Variants in CXADR observed in about 807,000 individuals in gnomAD.
CXADR encodes coxsackievirus and adenovirus receptor.
CXADR carries 20 observed loss-of-function variants against 40.3 expected under a neutral mutation model. The ratio of observed to expected loss-of-function variants is 0.50; its 90% CI spans 0.35 to 0.72. The LOEUF is 0.72. Ranked by LOEUF, CXADR falls within the 30% of genes least tolerant of loss-of-function variation. The pLI, the probability that CXADR is intolerant of heterozygous loss-of-function variation, is 0.01. For missense variants in CXADR, 332 were observed against 449.1 expected (o/e 0.74, Z 2.36); for synonymous variants, 150 against 161.3 (o/e 0.93, Z 0.53).
the CXADR span, among the ~76,000 whole-genome samples, chr21:17,601,098 G>A: frequency 2.0e-5 from 3 of 152,096 alleles, no homozygotes; most frequent in African/African-American, 4.8e-5. Flanking sequence ...GGGAGGCAGA[G>A]GTTGCAGTGA....
At chr21:17,520,136 G>A (rs1396785905) in intron 1 of CXADR, among the ~76,000 whole-genome samples, 5 of 151,976 alleles carry the variant, frequency 3.3e-5, no homozygotes, top group Non-Finnish European at 7.3e-5. Context: ...CACTCTCCAA[G>A]TACACTCACC....
intron 1 of CXADR, among the ~76,000 whole-genome samples, chr21:17,524,169 C>G (rs1174556626): frequency 2.0e-5 from 3 of 150,932 alleles, no homozygotes; most frequent in Admixed American, 2.0e-4. Flanking sequence ...GCTGGGATTA[C>G]ACGTGTGAGC....
chr21:17,625,398 G>A, the CXADR span, among the ~76,000 whole-genome samples: 3 of 152,018 alleles, frequency 2.0e-5, no homozygotes, highest in African/African-American at 7.2e-5. Flanking sequence ...ACAAAGAAAA[G>A]TGTTTGAGGT....
chr21:17,603,462 G>C, the CXADR span, among the ~76,000 whole-genome samples: 2 of 152,094 alleles, frequency 1.3e-5, no homozygotes, highest in African/African-American at 4.8e-5. Context: ...TCAAGCGGTG[G>C]TCCTGACAAA....
downstream of CXADR, chr21:17,594,301 A>G (rs759495841): frequency 3.7e-6 from 6 of 1,612,928 alleles, no homozygotes; most frequent in African/African-American, 5.3e-5. Flanking sequence ...AGGGTGCCAC[A>G]TTGGAAGAGG....
chr21:17,545,836 A>G (rs966851654), intron 1 of CXADR, among the ~76,000 whole-genome samples: 8 of 148,788 alleles, frequency 5.4e-5, no homozygotes, highest in African/African-American at 1.7e-4. Flanking sequence ...CTGGAATGCA[A>G]TGGCACAATG....
chr21:17,609,010 G>A, the CXADR span: 1 of 1,613,774 alleles, frequency 6.2e-7, no homozygotes, highest in South Asian at 1.1e-5. Context: ...CTGGATACCA[G>A]TGATTTTTAT....
At chr21:17,618,836 T>C in the CXADR span, among the ~76,000 whole-genome samples, 1 of 152,136 alleles carries the variant, frequency 6.6e-6, no homozygotes, top group Non-Finnish European at 1.5e-5. Context: ...CTCCTGGCCA[T>C]GAATGTATTT....
At chr21:17,542,235 T>C (rs1050911053) in intron 1 of CXADR, among the ~76,000 whole-genome samples, 1 of 152,178 alleles carries the variant, frequency 6.6e-6, no homozygotes, top group Non-Finnish European at 1.5e-5. Context: ...GACTTTAAGA[T>C]TGCCAGAAGG....
rs2061229684 is a variant in CXADR at position 17,567,750 on chromosome 21, TTAA to T, written c.*2065_*2067del. ...AAAAAATAAGTAAATAAACAGAACA[TTAA>T]TAATAAAGTTTTGGTTCTTCCTATT... On this transcript the variant is annotated 3_prime_UTR_variant, in exon 7 of 7. Coordinates refer to ENST00000284878, the MANE Select transcript of CXADR (RefSeq NM_001338.5). The T allele has an allele frequency of 2.4e-6, 2 of 846,228 alleles. No homozygotes were observed. Among genetic ancestry groups the T allele is most frequent in the Middle Eastern group, 6.1e-4 (1 of 1,646 alleles). 52.4% of individuals were successfully genotyped at this position (846,228 alleles called of 1,614,324 possible).
chr21:17,557,409 T>G lies in CXADR; in HGVS notation c.416-1567T>G, dbSNP rs561539556. On this transcript the variant is annotated intron_variant, in intron 3 of 6. Coordinates refer to ENST00000284878, the MANE Select transcript of CXADR (RefSeq NM_001338.5). The stretch of plus-strand genomic sequence containing the variant: ...ATCTCAGAAACAGCTGATTGACAGC[T>G]GATGGCTACTTCCTTACAACCTCCT... Among the ~76,000 whole-genome samples, 7 of 152,352 alleles carry G rather than the reference T, an allele frequency of 4.6e-5. No individual in the cohort carries two copies. The East Asian group carries it at 1.4e-3, about 29-fold the overall frequency.
intron 1 of CXADR, among the ~76,000 whole-genome samples, chr21:17,524,612 A>T (rs1295434117): frequency 7.6e-6 from 1 of 132,048 alleles, no homozygotes; most frequent in Non-Finnish European, 1.6e-5. Flanking sequence ...AGCCAGTTAG[A>T]GGCTGGGAGT....
intron 6 of CXADR, 112 bp from the exon 7 acceptor site, chr21:17,565,316 T>A: frequency 8.9e-7 from 1 of 1,129,696 alleles, no homozygotes; most frequent in Non-Finnish European, 1.3e-6. Context: ...CACACACACT[T>A]TTATATGTTT....
At chr21:17,513,451 G>A (rs576138847) in intron 1 of CXADR, among the ~76,000 whole-genome samples, 1 of 152,280 alleles carries the variant, frequency 6.6e-6, no homozygotes, top group South Asian at 2.1e-4. Flanking sequence ...GGCGTGTCGG[G>A]TGCGCCTCGC....
the CXADR span, among the ~76,000 whole-genome samples, chr21:17,627,536 C>A: frequency 6.6e-6 from 1 of 152,160 alleles, no homozygotes; most frequent in Non-Finnish European, 1.5e-5. Flanking sequence ...ATCCTGTAAT[C>A]CCAACACTTT....
chr21:17,600,744 G>A, the CXADR span, among the ~76,000 whole-genome samples: 3 of 152,198 alleles, frequency 2.0e-5, no homozygotes, highest in Admixed American at 6.5e-5. Context: ...ATCACACATA[G>A]ATGAGTTCTA....
downstream of CXADR, among the ~76,000 whole-genome samples, chr21:17,598,219 TTA>T (rs1459704041): frequency 6.6e-6 from 1 of 152,066 alleles, no homozygotes; most frequent in Non-Finnish European, 1.5e-5. Flanking sequence ...TATAATAAAT[TTA>T]GAGAGGTTTC....
chr21:17,594,025 CTTTTAAT>C, downstream of CXADR: 2 of 1,530,256 alleles, frequency 1.3e-6, no homozygotes, highest in Non-Finnish European at 1.8e-6. Context: ...GAACTTTTAA[CTTTTAAT>C]GTGTAGTAAG....
intron 1 of CXADR, chr21:17,542,929 C>G: frequency 4.6e-6 from 1 of 219,578 alleles, no homozygotes; most frequent in Non-Finnish European, 9.6e-6. Context: ...TACTTCAGCA[C>G]TTGAAAAACT....
Sources: gnomAD v4.1 joint callset for allele counts (sites outside exome capture counted in the v4.1 genomes callset) on GRCh38, gnomAD v4.1.1 for gene constraint, MANE v1.5 for transcripts, NCBI Gene and HGNC (gene_info 2026-07-23, HGNC 2026-07-21) for gene names.